Variants in PLXDC2 observed in about 807,000 individuals in gnomAD.
The protein encoded by PLXDC2 is plexin domain-containing protein 2.
In PLXDC2, 40 loss-of-function variants were observed where a neutral mutation model predicts 68.9. That is an observed-to-expected ratio of 0.58 (90% CI 0.45 to 0.76). PLXDC2 has a LOEUF of 0.76. Among genes scored for constraint, PLXDC2 ranks in the 30% least tolerant of loss-of-function variants. The pLI is 0.00. For missense variants in PLXDC2, 644 were observed against 661.9 expected, an observed-to-expected ratio of 0.97 and a Z score of 0.30; for synonymous variants, 243 against 234.2, an observed-to-expected ratio of 1.04 and a Z score of -0.34.
At chr10:19,980,943 C>A (rs1160781676) in intron 1 of PLXDC2, among the ~76,000 whole-genome samples, 1 of 152,136 alleles carries the variant, frequency 6.6e-6, no homozygotes, top group Non-Finnish European at 1.5e-5. Flanking sequence ...TTGATTAATT[C>A]ATTAAGGTTT....
At chr10:19,885,397 C>T (rs571746952) in intron 1 of PLXDC2, among the ~76,000 whole-genome samples, 2 of 152,030 alleles carry the variant, frequency 1.3e-5, no homozygotes, top group Non-Finnish European at 2.9e-5. Context: ...GTTGCCATTG[C>T]TTTTGGTGTT....
intron 1 of PLXDC2, among the ~76,000 whole-genome samples, chr10:19,854,948 A>C (rs555409325): frequency 7.2e-5 from 11 of 152,338 alleles, no homozygotes; most frequent in African/African-American, 2.2e-4. Flanking sequence ...CATTCATTTA[A>C]AATATTTTTA....
chr10:20,134,993 T>A (rs1833916363), intron 4 of PLXDC2, among the ~76,000 whole-genome samples: 1 of 152,206 alleles, frequency 6.6e-6, no homozygotes, highest in African/African-American at 2.4e-5. Context: ...GTGGGTAATG[T>A]GAAATTTTCT....
At chr10:19,891,555 G>A (rs1236585238) in intron 1 of PLXDC2, among the ~76,000 whole-genome samples, 4 of 152,104 alleles carry the variant, frequency 2.6e-5, no homozygotes, top group African/African-American at 4.8e-5. Context: ...TACTGCAGGC[G>A]TTGGAAAAAG....
At chr10:20,247,466 G>C (rs1324107004) in intron 13 of PLXDC2, among the ~76,000 whole-genome samples, 1 of 131,632 alleles carries the variant, frequency 7.6e-6, no homozygotes, top group African/African-American at 2.8e-5. Flanking sequence ...AATAGAGTGA[G>C]GCCTGGTCTA....
intron 6 of PLXDC2, among the ~76,000 whole-genome samples, chr10:20,154,065 G>T (rs1202279793): frequency 6.6e-6 from 1 of 151,974 alleles, no homozygotes; most frequent in African/African-American, 2.4e-5. Flanking sequence ...AAAAAAACCG[G>T]ATCCTTTCTT....
At chr10:20,141,900 A>G (rs747802027) in intron 4 of PLXDC2, among the ~76,000 whole-genome samples, 10 of 152,086 alleles carry the variant, frequency 6.6e-5, no homozygotes, top group South Asian at 4.1e-4. Context: ...AAGGAGTCAC[A>G]TAAGAAACAA....
intron 1 of PLXDC2, among the ~76,000 whole-genome samples, chr10:19,993,923 C>T (rs959072800): frequency 6.6e-6 from 1 of 152,292 alleles, no homozygotes; most frequent in Admixed American, 6.5e-5. Flanking sequence ...TGGCCATAGG[C>T]CTGCATGGTT....
At chr10:19,904,589 CAT>C (rs1486531644) in intron 1 of PLXDC2, among the ~76,000 whole-genome samples, 1 of 152,172 alleles carries the variant, frequency 6.6e-6, no homozygotes, top group Non-Finnish European at 1.5e-5. Context: ...CAAGCAGACT[CAT>C]AGTTTTTCAG....
intron 12 of PLXDC2, among the ~76,000 whole-genome samples, chr10:20,230,693 CAAAAAAAA>C (rs1191613913): frequency 2.6e-5 from 1 of 37,802 alleles, no homozygotes; most frequent in Non-Finnish European, 5.0e-5. Context: ...GACCTTGTCT[CAAAAAAAA>C]AAAAAAAAAA....
chr10:19,973,322 GTATACATATATA>G (rs1834391392), intron 1 of PLXDC2, among the ~76,000 whole-genome samples: 1 of 141,664 alleles, frequency 7.1e-6, no homozygotes, highest in African/African-American at 2.6e-5. Context: ...ACATATATAT[GTATACATATATA>G]TGTGTATATA....
At chr10:20,077,173 T>C (rs1484515883) in intron 4 of PLXDC2, among the ~76,000 whole-genome samples, 1 of 152,204 alleles carries the variant, frequency 6.6e-6, no homozygotes, top group East Asian at 1.9e-4. Context: ...CCTTGAGTTT[T>C]ATTTAATTGC....
intron 1 of PLXDC2, among the ~76,000 whole-genome samples, chr10:19,864,156 C>A (rs1231228903): frequency 6.6e-6 from 1 of 152,058 alleles, no homozygotes; most frequent in Non-Finnish European, 1.5e-5. Flanking sequence ...AGGTGCACCA[C>A]ATGTAGTTAA....
At position 20,287,789 on chromosome 10, in the gene PLXDC2, G is replaced by C. The variant is rs1340010877; in HGVS notation, c.*7970G>C. On this transcript the variant is annotated 3_prime_UTR_variant, in exon 14 of 14. Transcript: ENST00000377252. The stretch of plus-strand genomic sequence containing the variant: ...AACAAATCTCTCATTTGCCTGATTT[G>C]AAGCATTTCAACAGTGCCTGGAGAG... The C allele has an allele frequency of 6.6e-6, 1 of 152,040 alleles. No individual in the cohort carries two copies. Among genetic ancestry groups the C allele is most frequent in the East Asian group, 1.9e-4 (1 of 5,178 alleles). 9.4% of individuals were successfully genotyped at this position (152,040 alleles called of 1,614,324 possible).
intron 6 of PLXDC2, among the ~76,000 whole-genome samples, chr10:20,152,519 T>A (rs1834165099): frequency 6.6e-6 from 1 of 152,128 alleles, no homozygotes; most frequent in South Asian, 2.1e-4. Context: ...TGCTTAGAAA[T>A]CAGCCAAAAT....
chr10:19,885,804 T>C (rs1396308274), intron 1 of PLXDC2, among the ~76,000 whole-genome samples: 1 of 152,202 alleles, frequency 6.6e-6, no homozygotes, highest in African/African-American at 2.4e-5. Flanking sequence ...TCCAGCTTTG[T>C]TCTTTTGGCT....
chr10:20,203,703 G>C (rs75207370), intron 9 of PLXDC2, among the ~76,000 whole-genome samples: 5,039 of 152,126 alleles, frequency 0.033, 135 homozygotes, highest in Middle Eastern at 0.054. Flanking sequence ...ACATATTAGG[G>C]CTACTCTAGA....
chr10:19,965,673 C>T lies in PLXDC2; in HGVS notation c.113-36102C>T, dbSNP rs1385595857. Among the ~76,000 whole-genome samples, 4 of 149,018 alleles carry T rather than the reference C, an allele frequency of 2.7e-5. No individual in the cohort carries two copies. The South Asian group carries it at 6.4e-4, about 24-fold the overall frequency. The stretch of plus-strand genomic sequence containing the variant: ...ATTGTTGCATGTACTTGAACCATCC[C>T]GGTCTGCAGGAGCACAGCAGATTTC... On this transcript the variant is annotated intron_variant, in intron 1 of 13. Transcript: ENST00000377252.
chr10:19,913,116 C>A (rs1833304244), intron 1 of PLXDC2, among the ~76,000 whole-genome samples: 1 of 152,138 alleles, frequency 6.6e-6, no homozygotes, highest in Admixed American at 6.6e-5. Flanking sequence ...AATCTAGGAA[C>A]ATCAGTGACA....
Sources: allele counts gnomAD v4.1 joint callset (sites outside exome capture counted in the v4.1 genomes callset), GRCh38; gene constraint gnomAD v4.1.1; transcripts MANE v1.5; gene names NCBI Gene and HGNC (gene_info 2026-07-23, HGNC 2026-07-21).